Variants in CTNND2 observed in about 807,000 individuals in gnomAD.
CTNND2 encodes the protein catenin delta-2.
CTNND2 carries 22 observed loss-of-function variants against 144.4 expected under a neutral mutation model. The observed-to-expected ratio is 0.15, with a 90% CI of 0.11 to 0.22. CTNND2 has a LOEUF of 0.22. CTNND2 is among the 10% of genes least tolerant of loss of function. The pLI, the probability that CTNND2 is intolerant of heterozygous loss-of-function variation, is 1.00. For missense variants in CTNND2, 1,353 were observed against 1,618.8 expected, an observed-to-expected ratio of 0.84 and a Z score of 2.82; for synonymous variants, 751 against 695.6, an observed-to-expected ratio of 1.08 and a Z score of -1.25.
At position 11,064,237 on chromosome 5, in the gene CTNND2, G is replaced by A. The variant is rs1415276059; in HGVS notation, c.2788+18459C>T. On this transcript the variant is annotated intron_variant, in intron 16 of 21. Coordinates refer to ENST00000304623, the MANE Select transcript of CTNND2 (RefSeq NM_001332.4). The stretch of plus-strand genomic sequence containing the variant: ...ACCAGCTTGTTTCAGCCAAGTTGTC[G>A]GGCTATTTTTATGCACATATTTGAG... 4.6e-5 allele frequency among the ~76,000 whole-genome samples: 7 copies of A among 152,022 alleles called. No individual in the cohort carries two copies. The East Asian group carries it at 5.8e-4, about 13-fold the overall frequency.
intron 1 of CTNND2, among the ~76,000 whole-genome samples, chr5:11,895,650 G>A (rs1175008044): frequency 8.1e-6 from 1 of 122,958 alleles, no homozygotes; most frequent in Non-Finnish European, 1.8e-5. Flanking sequence ...TTAACTTCAA[G>A]CTTTAGAATT....
chr5:11,461,640 G>A (rs955808757), intron 3 of CTNND2, among the ~76,000 whole-genome samples: 1 of 152,122 alleles, frequency 6.6e-6, no homozygotes, highest in Non-Finnish European at 1.5e-5. Flanking sequence ...GCTCGAATGA[G>A]CAAGAATCAT....
At chr5:11,207,588 G>T (rs1345028105) in intron 10 of CTNND2, among the ~76,000 whole-genome samples, 1 of 151,824 alleles carries the variant, frequency 6.6e-6, no homozygotes, top group Non-Finnish European at 1.5e-5. Flanking sequence ...GGCTTTTTTT[G>T]TGTGCTGCTG....
chr5:11,424,176 C>T (rs1762587890), intron 3 of CTNND2, among the ~76,000 whole-genome samples: 1 of 152,166 alleles, frequency 6.6e-6, no homozygotes, highest in Non-Finnish European at 1.5e-5. Flanking sequence ...TGAAAGGTTA[C>T]ACACACTGAT....
At chr5:11,268,597 C>G (rs1018239345) in intron 9 of CTNND2, among the ~76,000 whole-genome samples, 2 of 151,416 alleles carry the variant, frequency 1.3e-5, no homozygotes. Flanking sequence ...GAGTAAGACT[C>G]TGATACACAC....
chr5:11,577,241 AC>A (rs1462655508), intron 2 of CTNND2, among the ~76,000 whole-genome samples: 1 of 152,254 alleles, frequency 6.6e-6, no homozygotes, highest in East Asian at 1.9e-4. Flanking sequence ...CAGTAGGGCA[AC>A]AGATGCTTAT....
chr5:11,821,756 T>C (rs1005480429), intron 1 of CTNND2, among the ~76,000 whole-genome samples: 1 of 152,208 alleles, frequency 6.6e-6, no homozygotes, highest in Non-Finnish European at 1.5e-5. Flanking sequence ...GAGATTTAAA[T>C]TCGCTTTGTT....
intron 2 of CTNND2, among the ~76,000 whole-genome samples, chr5:11,643,157 AG>A (rs551366088): frequency 2.1e-4 from 32 of 152,314 alleles, no homozygotes; most frequent in East Asian, 9.6e-4. Flanking sequence ...GCAAACTGTA[AG>A]GTGTAATATT....
chr5:11,751,429 CTTT>C (rs1295525443), intron 1 of CTNND2, among the ~76,000 whole-genome samples: 2 of 151,778 alleles, frequency 1.3e-5, no homozygotes, highest in Non-Finnish European at 2.9e-5. Context: ...TTGTTCCCTT[CTTT>C]GTGTCCACAT....
intron 9 of CTNND2, among the ~76,000 whole-genome samples, chr5:11,317,716 T>C (rs1440877582): frequency 1.3e-5 from 2 of 152,186 alleles, no homozygotes; most frequent in Non-Finnish European, 2.9e-5. Flanking sequence ...ATATAGGTAA[T>C]GCAGTCTTTG....
chr5:11,657,071 G>A (rs1006299385), intron 2 of CTNND2, among the ~76,000 whole-genome samples: 5 of 152,078 alleles, frequency 3.3e-5, no homozygotes, highest in Non-Finnish European at 7.4e-5. Context: ...TGTAAGTCAA[G>A]CACAGAAGGC....
intron 3 of CTNND2, among the ~76,000 whole-genome samples, chr5:11,551,962 T>G (rs527890770): frequency 3.4e-4 from 51 of 152,128 alleles, no homozygotes; most frequent in African/African-American, 1.2e-3. Flanking sequence ...CTCGAACTCC[T>G]GGCCTCAAGT....
At chr5:11,284,120 C>T (rs2150002276) in intron 9 of CTNND2, among the ~76,000 whole-genome samples, 1 of 152,290 alleles carries the variant, frequency 6.6e-6, no homozygotes, top group East Asian at 1.9e-4. Flanking sequence ...TGGTTCTGAG[C>T]CGCATCAGGT....
rs368310918 is a variant in CTNND2, at chr5:10,988,811, CT to C, written c.3212-570del. ...CAAAAATAACCAAGCCCACAAAGAC[CT>C]TCTTTGTCTGTGGCTGGGGTGGGCT... On this transcript the variant is annotated intron_variant, in intron 19 of 21. Coordinates refer to ENST00000304623, the MANE Select transcript of CTNND2 (RefSeq NM_001332.4). This position sits in a 1 kb window ranked among gnomAD's most constrained non-coding sequence, Gnocchi z 5.9. Among the ~76,000 whole-genome samples, 437 of 152,164 alleles carry C rather than the reference CT, an allele frequency of 2.9e-3. 1 individual carries two copies. The highest frequency in any genetic ancestry group is 9.9e-3 in the African/African-American group (410 of 41,536).
At chr5:11,245,321 A>G (rs886656920) in intron 9 of CTNND2, among the ~76,000 whole-genome samples, 5 of 152,210 alleles carry the variant, frequency 3.3e-5, no homozygotes, top group African/African-American at 1.2e-4. Flanking sequence ...GAATCTGCTA[A>G]TGCTGCCTTC....
In CTNND2 at chr5:11,037,366, A is replaced by C. The variant is rs142103025; in HGVS notation, c.2789-14387T>G. ...ATGCGTCAGTATTGATGGCTGCTGG[A>C]AGAAACATCACAACAGCTCGATTAA... is the stretch of plus-strand genomic sequence containing the variant. On this transcript the variant is annotated intron_variant, in intron 16 of 21. Transcript: ENST00000304623. Among the ~76,000 whole-genome samples the C allele has an allele frequency of 4.5e-3, 681 of 152,324 alleles. 8 individuals carry two copies. Among genetic ancestry groups the C allele is most frequent in the African/African-American group, 0.016 (663 of 41,568 alleles).
intron 2 of CTNND2, among the ~76,000 whole-genome samples, chr5:11,725,045 A>G (rs1224954369): frequency 1.3e-5 from 2 of 152,190 alleles, no homozygotes; most frequent in African/African-American, 4.8e-5. Context: ...GAGGATGCTA[A>G]TCTTCACTTT....
At chr5:11,869,530 C>T (rs1249887374) in intron 1 of CTNND2, among the ~76,000 whole-genome samples, 2 of 152,056 alleles carry the variant, frequency 1.3e-5, no homozygotes, top group Non-Finnish European at 2.9e-5. Flanking sequence ...TAGCCAAATT[C>T]ATAAAGACAG....
At chr5:11,803,343 C>T (rs1408814053) in intron 1 of CTNND2, among the ~76,000 whole-genome samples, 1 of 151,170 alleles carries the variant, frequency 6.6e-6, no homozygotes. Context: ...AAAAAATATG[C>T]ACAAGAGTGC....
Sources: gnomAD v4.1 joint callset for allele counts (sites outside exome capture counted in the v4.1 genomes callset) on GRCh38, gnomAD v4.1.1 for gene constraint, Gnocchi (gnomAD v3.1) non-coding constraint, MANE v1.5 for transcripts, NCBI Gene and HGNC (gene_info 2026-07-23, HGNC 2026-07-21) for gene names.